Variants in GSG1L observed in about 807,000 individuals in gnomAD.
GSG1L encodes the protein germ cell-specific gene 1-like protein.
Under a neutral mutation model 42.1 loss-of-function variants are expected in GSG1L, and 24 were observed. The observed-to-expected ratio is 0.57, with a 90% CI of 0.41 to 0.80. The LOEUF is 0.80. Ranked by LOEUF, GSG1L falls within the 30% of genes least tolerant of loss-of-function variation. The pLI, the probability that GSG1L is intolerant of heterozygous loss-of-function variation, is 0.00. For missense variants in GSG1L, 445 were observed against 472.2 expected (o/e 0.94, Z 0.53); for synonymous variants, 215 against 203.5 (o/e 1.06, Z -0.48).
intron 1 of GSG1L, among the ~76,000 whole-genome samples, chr16:28,039,404 T>C (rs2086079444): frequency 2.0e-5 from 3 of 152,148 alleles, no homozygotes; most frequent in South Asian, 4.1e-4. Context: ...GTAGGAGCCA[T>C]GGAGACTTCT....
At chr16:27,891,884 CTTTTT>C (rs60746199) in intron 2 of GSG1L, among the ~76,000 whole-genome samples, 6,707 of 74,218 alleles carry the variant, frequency 0.09, 300 homozygotes, top group Admixed American at 0.18. Flanking sequence ...AGTGACAGAT[CTTTTT>C]TTTTTTTTTT....
intron 1 of GSG1L, among the ~76,000 whole-genome samples, chr16:28,018,517 G>A (rs2085804898): frequency 6.6e-6 from 1 of 152,172 alleles, no homozygotes; most frequent in African/African-American, 2.4e-5. Flanking sequence ...CCCCAGCAGA[G>A]TCCTGCTTAC....
At chr16:27,878,943 T>C (rs1440220963) in intron 3 of GSG1L, among the ~76,000 whole-genome samples, 2 of 152,176 alleles carry the variant, frequency 1.3e-5, no homozygotes, top group Non-Finnish European at 2.9e-5. Flanking sequence ...GTAAGGGGGT[T>C]CTGGCTAAAT....
At chr16:27,958,338 G>A (rs1410414787) in intron 2 of GSG1L, among the ~76,000 whole-genome samples, 3 of 150,680 alleles carry the variant, frequency 2.0e-5, no homozygotes, top group Non-Finnish European at 3.0e-5. Context: ...CTGGGAGGTG[G>A]AGGTTGCAGT....
chr16:27,939,491 C>G (rs971386866), intron 2 of GSG1L, among the ~76,000 whole-genome samples: 1 of 152,116 alleles, frequency 6.6e-6, no homozygotes, highest in Non-Finnish European at 1.5e-5. Flanking sequence ...TTTCCCATGC[C>G]CTTCCATGAA....
rs1178426098 is a variant in GSG1L, at chr16:27,790,594, G to A, written c.*776C>T. 1 of 152,324 alleles carries A rather than the reference G, an allele frequency of 6.6e-6. No homozygotes were observed. The highest frequency in any genetic ancestry group is 1.5e-5 in the Non-Finnish European group (1 of 68,110). The allele number at this position is 152,324 out of a possible 1,614,324, so 9.4% of individuals were successfully genotyped here. On this transcript the variant is annotated 3_prime_UTR_variant, in exon 7 of 7. Coordinates refer to ENST00000447459, the MANE Select transcript of GSG1L (RefSeq NM_001109763.2). Reference sequence around the variant, plus strand: ...GTGTGATGTTGCTGAGCTCTGAAGAGAAATGTGGCTTCTTCACCCTCCCTG... The same window carrying A: ...GTGTGATGTTGCTGAGCTCTGAAGAAAAATGTGGCTTCTTCACCCTCCCTG...
intron 4 of GSG1L, among the ~76,000 whole-genome samples, chr16:27,840,390 G>C (rs1645348): frequency 2.0e-5 from 3 of 151,648 alleles, no homozygotes. Flanking sequence ...CACTTTGCTC[G>C]GCCCCAACCT....
At chr16:27,895,372 C>T (rs934008835) in intron 2 of GSG1L, among the ~76,000 whole-genome samples, 3 of 152,070 alleles carry the variant, frequency 2.0e-5, no homozygotes, top group Non-Finnish European at 4.4e-5. Flanking sequence ...TGCGTCTTGC[C>T]GGGCTCTCAA....
rs1003877944 is a variant in GSG1L at position 27,936,019 on chromosome 16, T to G, written c.397+27137A>C. ...CAACTACACCAAAATCTAAGACCCC[T>G]TCATCCCAGGACCCAGGGAATCACC... On this transcript the variant is annotated intron_variant, in intron 2 of 6. Transcript: ENST00000447459. Among the ~76,000 whole-genome samples the G allele has an allele frequency of 2.0e-5, 3 of 150,872 alleles. No individual in the cohort carries two copies. The East Asian group carries it at 5.9e-4, about 29-fold the overall frequency.
chr16:27,969,168 A>C (rs2085165102), intron 1 of GSG1L, among the ~76,000 whole-genome samples: 1 of 152,198 alleles, frequency 6.6e-6, no homozygotes, highest in Non-Finnish European at 1.5e-5. Context: ...AATGGTTTTT[A>C]GTATACTGTT....
intron 2 of GSG1L, among the ~76,000 whole-genome samples, chr16:27,956,490 A>G (rs1275206387): frequency 3.3e-5 from 5 of 151,960 alleles, no homozygotes; most frequent in Admixed American, 3.3e-4. Flanking sequence ...GCAAACATTC[A>G]CTCCAAACAC....
At chr16:27,865,107 C>T (rs1429789294) in intron 3 of GSG1L, among the ~76,000 whole-genome samples, 2 of 152,008 alleles carry the variant, frequency 1.3e-5, no homozygotes, top group African/African-American at 2.4e-5. Flanking sequence ...ACGCATTCTT[C>T]TGTGAGCCAG....
chr16:27,914,024 G>A (rs141657323), intron 2 of GSG1L, among the ~76,000 whole-genome samples: 5 of 148,950 alleles, frequency 3.4e-5, no homozygotes, highest in African/African-American at 7.5e-5. Context: ...AGTTTCCTCC[G>A]TCTATAACCA....
chr16:27,978,140 G>A (rs1325261296), intron 1 of GSG1L, among the ~76,000 whole-genome samples: 1 of 152,314 alleles, frequency 6.6e-6, no homozygotes, highest in East Asian at 1.9e-4. Context: ...GCCCTCAGCA[G>A]AAATGAGTCT....
intron 1 of GSG1L, among the ~76,000 whole-genome samples, chr16:27,989,093 A>T (rs1000623246): frequency 3.3e-5 from 5 of 151,862 alleles, no homozygotes; most frequent in Admixed American, 6.6e-5. Context: ...AAAAGAAAGA[A>T]AAAAAGGAGA....
rs1401299972 is a variant in GSG1L, at chr16:28,059,640, C to A, written c.349+3436G>T. Among the ~76,000 whole-genome samples, 1 of 152,108 alleles carries A rather than the reference C, an allele frequency of 6.6e-6. No individual in the cohort carries two copies. Among genetic ancestry groups the A allele is most frequent in the Non-Finnish European group, 1.5e-5 (1 of 68,026 alleles). ...GACCTTCATTCTCCCCTCCTCCAGG[C>A]CTCTCCTCAGCCACCCCCACCACAC... is the stretch of plus-strand genomic sequence containing the variant. On this transcript the variant is annotated intron_variant, in intron 1 of 6. Coordinates refer to ENST00000447459, the MANE Select transcript of GSG1L (RefSeq NM_001109763.2). This position sits in a 1 kb window ranked among gnomAD's most constrained non-coding sequence, Gnocchi z 4.4.
At chr16:27,947,037 A>C (rs763126991) in intron 2 of GSG1L, among the ~76,000 whole-genome samples, 12 of 152,208 alleles carry the variant, frequency 7.9e-5, no homozygotes, top group Non-Finnish European at 1.5e-4. Flanking sequence ...ACCACTAGAG[A>C]GCCAGAGCTG....
At chr16:27,831,344 T>G (rs1224117828) in intron 4 of GSG1L, among the ~76,000 whole-genome samples, 1 of 152,202 alleles carries the variant, frequency 6.6e-6, no homozygotes, top group African/African-American at 2.4e-5. Context: ...TTTTCCTTGA[T>G]TTTTTTCTAC....
chr16:27,910,960 C>G (rs555863449), intron 2 of GSG1L, among the ~76,000 whole-genome samples: 156 of 152,246 alleles, frequency 1.0e-3, no homozygotes, highest in African/African-American at 3.3e-3. Flanking sequence ...CTGCAGTGAG[C>G]CATGATTGCA....
Sources: allele counts gnomAD v4.1 joint callset (sites outside exome capture counted in the v4.1 genomes callset), GRCh38; gene constraint gnomAD v4.1.1; non-coding constraint Gnocchi (gnomAD v3.1); transcripts MANE v1.5; gene names NCBI Gene and HGNC (gene_info 2026-07-23, HGNC 2026-07-21).